Variants in NEGR1 observed in about 807,000 individuals in gnomAD.
NEGR1 encodes IgLON family member 4.
A neutral mutation model predicts 40.9 loss-of-function variants in NEGR1; 10 were observed. The observed-to-expected ratio is 0.24, with a 90% CI of 0.15 to 0.42. NEGR1 has a LOEUF of 0.42. Ranked by LOEUF, NEGR1 falls within the 10% of genes least tolerant of loss-of-function variation. The pLI is 1.00. For missense variants in NEGR1, 352 were observed against 438.9 expected (o/e 0.80, Z 1.77); for synonymous variants, 185 against 166.8 (o/e 1.11, Z -0.84).
At position 72,200,369 on chromosome 1, in the gene NEGR1, C is replaced by T. The variant is rs565221706; in HGVS notation, c.176+81950G>A. Among the ~76,000 whole-genome samples the T allele has an allele frequency of 3.3e-5, 5 of 152,002 alleles. No homozygotes were observed. In the South Asian group the frequency reaches 1.0e-3, roughly 32 times the overall value. On this transcript the variant is annotated intron_variant, in intron 1 of 6. Transcript: ENST00000357731. The stretch of plus-strand genomic sequence containing the variant: ...GAATGAAATCATGTCCTCTGAAGCT[C>T]CATGGATGTTGCTGGGAGCCATTAT...
At chr1:71,677,582 C>A (rs950512814) in intron 4 of NEGR1, among the ~76,000 whole-genome samples, 11 of 152,118 alleles carry the variant, frequency 7.2e-5, no homozygotes, top group African/African-American at 2.4e-4. Context: ...AGGAATATTT[C>A]CACATGAGCC....
chr1:72,167,559 T>C (rs371309663), intron 1 of NEGR1, among the ~76,000 whole-genome samples: 1 of 152,130 alleles, frequency 6.6e-6, no homozygotes, highest in East Asian at 1.9e-4. Flanking sequence ...ACTACATTAA[T>C]CTAAATAAAT....
intron 3 of NEGR1, among the ~76,000 whole-genome samples, chr1:71,741,373 G>C (rs1260672267): frequency 6.6e-6 from 1 of 152,128 alleles, no homozygotes; most frequent in African/African-American, 2.4e-5. Flanking sequence ...TGCCAATACT[G>C]ATCAGTCTTA....
chr1:71,683,970 T>C (rs1652929313), intron 4 of NEGR1, among the ~76,000 whole-genome samples: 1 of 152,134 alleles, frequency 6.6e-6, no homozygotes, highest in African/African-American at 2.4e-5. Context: ...TGTCTGAGGA[T>C]ACAAGATTTA....
chr1:71,960,880 A>T (rs1646160436), intron 1 of NEGR1, among the ~76,000 whole-genome samples: 1 of 152,150 alleles, frequency 6.6e-6, no homozygotes, highest in South Asian at 2.1e-4. Flanking sequence ...GAAATGCAAA[A>T]ATGTCTCCAC....
intron 6 of NEGR1, among the ~76,000 whole-genome samples, chr1:71,460,268 T>C (rs1447614847): frequency 1.3e-5 from 2 of 152,330 alleles, no homozygotes; most frequent in East Asian, 1.9e-4. Context: ...GTACAAGCTC[T>C]GCAGTCAGAC....
At chr1:71,463,818 T>C (rs1646728586) in intron 6 of NEGR1, among the ~76,000 whole-genome samples, 1 of 152,148 alleles carries the variant, frequency 6.6e-6, no homozygotes, top group Non-Finnish European at 1.5e-5. Context: ...GCTACATATT[T>C]TGTACAAAGC....
At chr1:71,432,847 G>A (rs1040211909) in intron 6 of NEGR1, among the ~76,000 whole-genome samples, 1 of 152,154 alleles carries the variant, frequency 6.6e-6, no homozygotes, top group Non-Finnish European at 1.5e-5. Context: ...GCTCCTGGAT[G>A]GTGTTGGAAG....
At chr1:71,431,070 TCTTTTTTTTATGAC>T (rs1425321803) in intron 6 of NEGR1, among the ~76,000 whole-genome samples, 5 of 121,668 alleles carry the variant, frequency 4.1e-5, no homozygotes, top group Admixed American at 8.5e-5. Flanking sequence ...TTTTTTATGA[TCTTTTTTTTATGAC>T]CTTTTTTTTA....
rs189297303 is a variant in NEGR1, at chr1:71,839,617, A to T, written c.410-63320T>A. 8.1e-4 allele frequency among the ~76,000 whole-genome samples: 123 copies of T among 152,258 alleles called. 2 individuals carry two copies. The highest frequency in any genetic ancestry group is 2.8e-3 in the African/African-American group (115 of 41,568). On this transcript the variant is annotated intron_variant, in intron 2 of 6. Transcript: ENST00000357731. ...TGAAAATAAAATCAAGAGAGCAAAA[A>T]GTAGTGGCTTAGATAGAGGAATATA...
intron 6 of NEGR1, among the ~76,000 whole-genome samples, chr1:71,471,711 T>G (rs1250905633): frequency 2.6e-5 from 4 of 152,080 alleles, no homozygotes; most frequent in Non-Finnish European, 1.5e-5. Flanking sequence ...CAATAAAATC[T>G]GACCTTAACT....
intron 2 of NEGR1, among the ~76,000 whole-genome samples, chr1:71,926,963 A>G (rs1444206076): frequency 6.6e-6 from 1 of 152,176 alleles, no homozygotes; most frequent in Non-Finnish European, 1.5e-5. Context: ...TCCCAACTGT[A>G]GAAAAGTAAT....
chr1:71,550,762 A>G (rs1486269429), intron 6 of NEGR1, among the ~76,000 whole-genome samples: 4 of 151,622 alleles, frequency 2.6e-5, no homozygotes, highest in Non-Finnish European at 5.9e-5. Context: ...GTGTAGGAAA[A>G]TCTACCCATA....
At chr1:71,483,702 C>T (rs1233112861) in intron 6 of NEGR1, among the ~76,000 whole-genome samples, 1 of 151,608 alleles carries the variant, frequency 6.6e-6, no homozygotes, top group African/African-American at 2.4e-5. Context: ...AAGAAAGAGC[C>T]CCATAATTAT....
At chr1:72,043,140 C>G (rs1379607329) in intron 1 of NEGR1, among the ~76,000 whole-genome samples, 1 of 151,894 alleles carries the variant, frequency 6.6e-6, no homozygotes, top group Non-Finnish European at 1.5e-5. Flanking sequence ...CTGGCCTAGT[C>G]CATGAAGCCT....
intron 3 of NEGR1, among the ~76,000 whole-genome samples, chr1:71,763,536 T>A (rs1241423495): frequency 1.3e-5 from 2 of 152,202 alleles, no homozygotes; most frequent in Non-Finnish European, 2.9e-5. Context: ...ACACTCTGAG[T>A]ATCATGTTCA....
chr1:71,847,092 C>T (rs1659444359), intron 2 of NEGR1, among the ~76,000 whole-genome samples: 1 of 152,164 alleles, frequency 6.6e-6, no homozygotes. Context: ...CCCCCCATCT[C>T]ACAGTATAGA....
rs532261030 is a variant in NEGR1 at position 71,749,064 on chromosome 1, C to A, written c.535+27108G>T. The stretch of plus-strand genomic sequence containing the variant: ...AAATAAGAATGATGCTTTCAATATT[C>A]TTTGATGCTTTCTATCAAAACACAC... On this transcript the variant is annotated intron_variant, in intron 3 of 6. Coordinates refer to ENST00000357731, the MANE Select transcript of NEGR1 (RefSeq NM_173808.3). 4.6e-5 allele frequency among the ~76,000 whole-genome samples: 7 copies of A among 152,228 alleles called. No individual in the cohort carries two copies. In the South Asian group the frequency reaches 1.0e-3, roughly 23 times the overall value.
At chr1:71,878,912 A>G (rs1209242395) in intron 2 of NEGR1, among the ~76,000 whole-genome samples, 1 of 152,178 alleles carries the variant, frequency 6.6e-6, no homozygotes, top group African/African-American at 2.4e-5. Context: ...CACAAAGCTG[A>G]AAGCTTAAAA....
Sources: allele counts gnomAD v4.1 joint callset (sites outside exome capture counted in the v4.1 genomes callset), GRCh38; gene constraint gnomAD v4.1.1; transcripts MANE v1.5; gene names NCBI Gene and HGNC (gene_info 2026-07-23, HGNC 2026-07-21).